Variants in ADAMTS13 observed in about 807,000 individuals in gnomAD.
ADAMTS13 encodes ADAM metallopeptidase with thrombospondin type 1 motif 13.
Under a neutral mutation model 155.1 loss-of-function variants are expected in ADAMTS13, and 110 were observed. The observed-to-expected ratio is 0.71, with a 90% CI of 0.61 to 0.83. ADAMTS13 has a LOEUF of 0.83. Among genes scored for constraint, ADAMTS13 ranks in the 40% least tolerant of loss-of-function variants. The pLI is 0.00. For missense variants in ADAMTS13, 1,707 were observed against 1,891.7 expected, an observed-to-expected ratio of 0.90 and a Z score of 1.81; for synonymous variants, 758 against 756.4, an observed-to-expected ratio of 1.00 and a Z score of -0.03.
At chr9:133,457,001 C>T (rs1842787218) in intron 27 of ADAMTS13, 2 of 548,898 alleles carry the variant, frequency 3.6e-6, no homozygotes, top group South Asian at 3.7e-5. Context: ...CTCTGCCCCA[C>T]ACCCACCTGC....
At chr9:133,458,183 A>G (rs1475453156) in intron 28 of ADAMTS13, 89 bp downstream of exon 28, 4 of 1,446,684 alleles carry the variant, frequency 2.8e-6, no homozygotes, top group Non-Finnish European at 3.8e-6. Flanking sequence ...AGTTTATTTC[A>G]GACTAAAACC....
chr9:133,417,673 G>T (rs1554781955), upstream of ADAMTS13: 3 of 1,614,070 alleles, frequency 1.9e-6, no homozygotes, highest in Non-Finnish European at 2.5e-6. Flanking sequence ...TTTGGAGGTC[G>T]CACCACAGCA....
At chr9:133,428,184 T>C (rs1840411032) in intron 6 of ADAMTS13, among the ~76,000 whole-genome samples, 1 of 152,196 alleles carries the variant, frequency 6.6e-6, no homozygotes, top group African/African-American at 2.4e-5. Context: ...ATGCAAACAA[T>C]GGCCAAGGGC....
intron 8 of ADAMTS13, among the ~76,000 whole-genome samples, chr9:133,432,301 G>T (rs1010890849): frequency 6.6e-6 from 1 of 152,140 alleles, no homozygotes; most frequent in Non-Finnish European, 1.5e-5. Context: ...TAAAACATTT[G>T]CCTCTTGAGC....
In ADAMTS13 at chr9:133,425,653, G is replaced by A; in HGVS notation, c.414+41G>A. 6.3e-7 allele frequency: 1 copy of A among 1,599,032 alleles called. No homozygotes were observed. The highest frequency in any genetic ancestry group is 1.1e-5 in the South Asian group (1 of 89,594). ...GAACTCAGCACACCATACAGAGCGGGAAGCCCAAGTCATCGCATCTCCATC... is the reference window on the plus strand; with the variant it reads ...GAACTCAGCACACCATACAGAGCGGAAAGCCCAAGTCATCGCATCTCCATC... On this transcript the variant is annotated intron_variant, in intron 4 of 28. Coordinates refer to ENST00000355699, the MANE Select transcript of ADAMTS13 (RefSeq NM_139027.6). This position sits in a 1 kb window ranked among gnomAD's most constrained non-coding sequence, Gnocchi z 4.6.
At position 133,426,280 on chromosome 9, in the gene ADAMTS13, C is replaced by G. The variant is rs781884793; in HGVS notation, c.621C>G (p.Ser207Arg). ...QLGGACSPTW[S>R]CLITEDTGFD... ...GCGGTGCCTGCTCCCCAACCTGGAG[C>G]TGCCTCATTACCGAGGACACTGGCT... Residue 207 changes from serine (S) to arginine (R), a missense_variant, in exon 6 of 29, where the codon AGC becomes AGG. Ser to Arg is a moderately radical substitution (Grantham distance 110). This residue lies in a region of ADAMTS13 where 733 missense variants were observed against 749.6 expected (regional missense o/e 0.98). Transcript: ENST00000355699. 1.6e-5 allele frequency: 25 copies of G among 1,610,684 alleles called. No homozygotes were observed. The highest frequency in any genetic ancestry group is 1.9e-5 in the Non-Finnish European group (23 of 1,180,042).
At chr9:133,438,414 A>G in intron 14 of ADAMTS13, 48 bp downstream of exon 14, 1 of 1,609,056 alleles carries the variant, frequency 6.2e-7, no homozygotes, top group Non-Finnish European at 8.5e-7. Context: ...CCAGCCTCCA[A>G]GATGGCCACA....
intron 6 of ADAMTS13, among the ~76,000 whole-genome samples, chr9:133,427,628 G>A (rs369105512): frequency 1.3e-5 from 2 of 152,152 alleles, no homozygotes; most frequent in Non-Finnish European, 2.9e-5. Context: ...TGGCTTCACC[G>A]AGGAAAGAAT....
At chr9:133,439,143 G>A (rs1554789967) in intron 14 of ADAMTS13, among the ~76,000 whole-genome samples, 2 of 152,180 alleles carry the variant, frequency 1.3e-5, no homozygotes, top group African/African-American at 2.4e-5. Context: ...GCCCCACTGT[G>A]CTGGAGAACC....
At chr9:133,416,135 G>A (rs1839584596) in intron 1 of ADAMTS13, among the ~76,000 whole-genome samples, 1 of 152,232 alleles carries the variant, frequency 6.6e-6, no homozygotes, top group African/African-American at 2.4e-5. Flanking sequence ...GAGGCCGAAG[G>A]AAGCTTCCCA....
intron 25 of ADAMTS13, chr9:133,455,691 C>T: frequency 6.5e-7 from 1 of 1,529,392 alleles, no homozygotes; most frequent in Non-Finnish European, 8.9e-7. Flanking sequence ...GGCACAAGCA[C>T]TTGGTCCCTG....
chr9:133,436,778 A>ACCCCCCCCCCCCCCC, intron 11 of ADAMTS13, 51 bp from the exon 12 acceptor site: 3 of 433,948 alleles, frequency 6.9e-6, no homozygotes, highest in Non-Finnish European at 4.6e-6. Context: ...CAGTGACAAC[A>ACCCCCCCCCCCCCCC]CCCGCCCCCC....
At chr9:133,437,681 G>A (rs1457867657) in intron 12 of ADAMTS13, 68 bp from the exon 13 acceptor site, 1 of 1,595,744 alleles carries the variant, frequency 6.3e-7, no homozygotes, top group African/African-American at 1.3e-5. Flanking sequence ...GGATGAAGCT[G>A]GGTGGGGGCT....
upstream of ADAMTS13, chr9:133,417,781 G>A: frequency 6.2e-7 from 1 of 1,610,944 alleles, no homozygotes; most frequent in Non-Finnish European, 8.5e-7. Flanking sequence ...GTCTTGACAG[G>A]ACCCGGCTTA....
intron 11 of ADAMTS13, among the ~76,000 whole-genome samples, chr9:133,435,960 G>GT: frequency 7.0e-6 from 1 of 142,286 alleles, no homozygotes. Context: ...TTCTGTTGTT[G>GT]TTTTTTCTTT....
At chr9:133,436,782 GC>G (rs919740244) in intron 11 of ADAMTS13, 46 bp from the exon 12 acceptor site, 3 of 653,224 alleles carry the variant, frequency 4.6e-6, no homozygotes, top group Non-Finnish European at 6.7e-6. Context: ...GACAACACCC[GC>G]CCCCCGCCCC....
At chr9:133,450,006 G>T in intron 23 of ADAMTS13, 41 bp downstream of exon 23, 2 of 1,555,956 alleles carry the variant, frequency 1.3e-6, no homozygotes, top group Non-Finnish European at 1.7e-6. Flanking sequence ...CCTGGTGTGT[G>T]CAGATGCCAG....
chr9:133,442,444 G>C lies in ADAMTS13; in HGVS notation c.2014G>C (p.Asp672His). Residue 672 changes from aspartate to histidine, a missense_variant, in exon 17 of 29, where the codon GAC becomes CAC. Coordinates refer to ENST00000355699, the MANE Select transcript of ADAMTS13 (RefSeq NM_139027.6). ...GGAGTATGGCAACCTCACCCGCCCA[G>C]ACATCACCTTCACCTACTTCCAGCC... ...GEEYGNLTRP[D>H]ITFTYFQPKP... The C allele has an allele frequency of 6.2e-7, 1 of 1,613,908 alleles. No individual in the cohort carries two copies. Among genetic ancestry groups the C allele is most frequent in the Non-Finnish European group, 8.5e-7 (1 of 1,180,032 alleles).
intron 22 of ADAMTS13, among the ~76,000 whole-genome samples, chr9:133,449,269 G>A (rs1042439653): frequency 2.6e-5 from 4 of 152,082 alleles, no homozygotes; most frequent in Admixed American, 6.5e-5. Flanking sequence ...CCCCGGGGCC[G>A]TCCTGGAGCT....
Sources: allele counts gnomAD v4.1 joint callset (sites outside exome capture counted in the v4.1 genomes callset), GRCh38; gene constraint gnomAD v4.1.1; regional missense constraint gnomAD v4.1.1; non-coding constraint Gnocchi (gnomAD v3.1); transcripts MANE v1.5; gene names NCBI Gene and HGNC (gene_info 2026-07-23, HGNC 2026-07-21).